The following THRB variants were observed in gnomAD, a reference collection of about 807,000 sequenced individuals.
The protein encoded by THRB is nuclear receptor subfamily 1 group A member 2.
Under a neutral mutation model 47.8 loss-of-function variants are expected in THRB, and 12 were observed. That is an observed-to-expected ratio of 0.25 (90% CI 0.16 to 0.41). The LOEUF (loss-of-function observed/expected upper bound fraction) is 0.41, where lower values mean the gene tolerates loss of function less well. THRB is among the 10% of genes least tolerant of loss of function. The pLI is 1.00. For synonymous variants in THRB, 218 were observed against 212.2 expected, an observed-to-expected ratio of 1.03 and a Z score of -0.24; for missense variants, 348 against 589.2, an observed-to-expected ratio of 0.59 and a Z score of 4.24.
rs185232212 is a variant in THRB at position 24,154,542 on chromosome 3, A to C, written c.284-2052T>G. On this transcript the variant is annotated intron_variant, in intron 5 of 10. Coordinates refer to ENST00000646209, the MANE Select transcript of THRB (RefSeq NM_001354712.2). The stretch of plus-strand genomic sequence containing the variant: ...CTCAACATCATTGCAGGGAAATGCA[A>C]ATCAAAACCACAATGAGATACCACT... Among the ~76,000 whole-genome samples the C allele has an allele frequency of 4.3e-4, 66 of 152,356 alleles. No individual in the cohort carries two copies. The East Asian group carries it at 0.011, about 25-fold the overall frequency.
At position 24,312,524 on chromosome 3, in the gene THRB, G is replaced by C. The variant is rs148569182; in HGVS notation, c.-188-15153C>G. ...CCAGAGGTCCTTGAAATCAAACCATGCTTCCTACGTATACGCCCACATTTG... is the reference window on the plus strand; with the variant it reads ...CCAGAGGTCCTTGAAATCAAACCATCCTTCCTACGTATACGCCCACATTTG... On this transcript the variant is annotated intron_variant, in intron 2 of 10. Transcript: ENST00000646209. 1.2e-3 allele frequency among the ~76,000 whole-genome samples: 181 copies of C among 152,284 alleles called. 1 individual carries two copies. Among genetic ancestry groups the C allele is most frequent in the African/African-American group, 4.0e-3 (167 of 41,566 alleles).
intron 3 of THRB, among the ~76,000 whole-genome samples, chr3:24,290,405 G>C (rs1368419768): frequency 6.6e-6 from 1 of 152,142 alleles, no homozygotes; most frequent in Non-Finnish European, 1.5e-5. Flanking sequence ...ATTAACACGG[G>C]AGACATCTTA....
intron 3 of THRB, among the ~76,000 whole-genome samples, chr3:24,231,139 G>A (rs942461731): frequency 6.6e-6 from 1 of 152,158 alleles, no homozygotes; most frequent in Non-Finnish European, 1.5e-5. Flanking sequence ...CAATAAGCTG[G>A]TTTGACTTAG....
In THRB at chr3:24,207,850, A is replaced by G. The variant is rs1428316115; in HGVS notation, c.23-17516T>C. On this transcript the variant is annotated intron_variant, in intron 4 of 10. Transcript: ENST00000646209. Reference sequence around the variant, plus strand: ...AGTGTTGGAAGTTCTGGCCAGGGCAATCAGGCAGGAGAAAGAAATATATGG... The same window carrying G: ...AGTGTTGGAAGTTCTGGCCAGGGCAGTCAGGCAGGAGAAAGAAATATATGG... Among the ~76,000 whole-genome samples the G allele has an allele frequency of 2.6e-5, 4 of 152,212 alleles. No individual in the cohort carries two copies. In the East Asian group the frequency reaches 5.8e-4, roughly 22 times the overall value.
Position 24,219,611 on chromosome 3 carries a change from C to G in THRB, c.22+9327G>C, listed in dbSNP as rs2046957532. On this transcript the variant is annotated intron_variant, in intron 4 of 10. Coordinates refer to ENST00000646209, the MANE Select transcript of THRB (RefSeq NM_001354712.2). ...GAGTAGAGCATCACTAATTACATTTCAATTTGCCCACCCTAGGTCAGGTTA... is the reference window on the plus strand; with the variant it reads ...GAGTAGAGCATCACTAATTACATTTGAATTTGCCCACCCTAGGTCAGGTTA... Among the ~76,000 whole-genome samples, 3 of 152,322 alleles carry G rather than the reference C, an allele frequency of 2.0e-5. No homozygotes were observed. In the South Asian group the frequency reaches 6.2e-4, roughly 32 times the overall value.
At chr3:24,381,706 C>T (rs2149850473) in intron 1 of THRB, among the ~76,000 whole-genome samples, 1 of 152,048 alleles carries the variant, frequency 6.6e-6, no homozygotes, top group Middle Eastern at 3.4e-3. Context: ...AGAATAGAAC[C>T]CAAATTAACC....
At chr3:24,314,221 A>T (rs1230147946) in intron 2 of THRB, among the ~76,000 whole-genome samples, 1 of 152,196 alleles carries the variant, frequency 6.6e-6, no homozygotes, top group East Asian at 1.9e-4. Flanking sequence ...TCTGCATCCA[A>T]ATCCAGGTCC....
At chr3:24,392,638 G>A (rs954798077) in intron 1 of THRB, among the ~76,000 whole-genome samples, 4 of 152,104 alleles carry the variant, frequency 2.6e-5, no homozygotes, top group African/African-American at 9.7e-5. Flanking sequence ...TTCTCAAGGG[G>A]ATGTGTTGAC....
At chr3:24,238,278 T>TGGG (rs67450132) in intron 3 of THRB, among the ~76,000 whole-genome samples, 3 of 30,010 alleles carry the variant, frequency 1.0e-4, no homozygotes, top group African/African-American at 2.6e-4. Flanking sequence ...TGTGTGTGTG[T>TGGG]GGGGGGGGGG....
At chr3:24,287,151 C>T (rs186613014) in intron 3 of THRB, among the ~76,000 whole-genome samples, 9 of 152,308 alleles carry the variant, frequency 5.9e-5, no homozygotes, top group Admixed American at 3.3e-4. Flanking sequence ...AGATATCTTA[C>T]ACACATTTCC....
At chr3:24,255,339 A>G (rs2051146515) in intron 3 of THRB, among the ~76,000 whole-genome samples, 2 of 152,226 alleles carry the variant, frequency 1.3e-5, no homozygotes, top group African/African-American at 4.8e-5. Flanking sequence ...CAAAAATAAC[A>G]TGTATATCAC....
At chr3:24,405,262 G>A (rs905923381) in intron 1 of THRB, among the ~76,000 whole-genome samples, 8 of 151,906 alleles carry the variant, frequency 5.3e-5, no homozygotes, top group African/African-American at 1.4e-4. Flanking sequence ...GCGTTGGCAC[G>A]CTATATTCTG....
intron 1 of THRB, among the ~76,000 whole-genome samples, chr3:24,378,434 T>A (rs1337075647): frequency 6.6e-6 from 1 of 152,176 alleles, no homozygotes; most frequent in Non-Finnish European, 1.5e-5. Flanking sequence ...ATATTCCTAC[T>A]GTATTTGCAA....
intron 1 of THRB, among the ~76,000 whole-genome samples, chr3:24,478,324 T>A (rs1293481930): frequency 1.3e-5 from 2 of 152,208 alleles, no homozygotes; most frequent in Non-Finnish European, 2.9e-5. Flanking sequence ...TGTTGTTCAC[T>A]ACTGTACCCA....
chr3:24,250,154 C>T (rs968586399), intron 3 of THRB, among the ~76,000 whole-genome samples: 1 of 152,188 alleles, frequency 6.6e-6, no homozygotes, highest in African/African-American at 2.4e-5. Flanking sequence ...CATATATCCT[C>T]ATGTCACTTT....
chr3:24,426,033 A>G (rs2069725199), intron 1 of THRB, among the ~76,000 whole-genome samples: 1 of 151,864 alleles, frequency 6.6e-6, no homozygotes. Flanking sequence ...TACCTGTATA[A>G]TGATGAAAAT....
chr3:24,162,596 T>C (rs1372171152), intron 5 of THRB, among the ~76,000 whole-genome samples: 2 of 151,868 alleles, frequency 1.3e-5, no homozygotes, highest in Non-Finnish European at 2.9e-5. Context: ...TTATTTTAAA[T>C]GTGATTCAAT....
intron 1 of THRB, among the ~76,000 whole-genome samples, chr3:24,384,689 A>C (rs961704892): frequency 6.6e-5 from 10 of 152,178 alleles, no homozygotes; most frequent in African/African-American, 1.9e-4. Context: ...GAGTTCTTAT[A>C]CAAGGGACCT....
chr3:24,305,612 A>T (rs1393252139), intron 2 of THRB, among the ~76,000 whole-genome samples: 1 of 152,224 alleles, frequency 6.6e-6, no homozygotes, highest in Admixed American at 6.5e-5. Flanking sequence ...TTTTCATTGT[A>T]AAAGCAAACT....
Sources: allele counts gnomAD v4.1 joint callset (sites outside exome capture counted in the v4.1 genomes callset), GRCh38; gene constraint gnomAD v4.1.1; transcripts MANE v1.5; gene names NCBI Gene and HGNC (gene_info 2026-07-23, HGNC 2026-07-21).